IGDCC4: variants seen among roughly 807,000 people sequenced by gnomAD.
IGDCC4 encodes the protein immunoglobulin superfamily DCC subclass member 4.
Under a neutral mutation model 116.6 loss-of-function variants are expected in IGDCC4, and 72 were observed. That is an observed-to-expected ratio of 0.62 (90% CI 0.51 to 0.75). IGDCC4 has a LOEUF of 0.75. Ranked by LOEUF, IGDCC4 falls within the 30% of genes least tolerant of loss-of-function variation. The pLI is 0.00. For missense variants in IGDCC4, 1,501 were observed against 1,662.4 expected (o/e 0.90, Z 1.69); for synonymous variants, 709 against 719.9 (o/e 0.98, Z 0.24).
intron 1 of IGDCC4, among the ~76,000 whole-genome samples, chr15:65,416,432 C>T (rs757014597): frequency 4.7e-4 from 71 of 152,270 alleles, no homozygotes; most frequent in African/African-American, 1.4e-3. Flanking sequence ...CCACCGCGCC[C>T]GGCCAAACCT....
chr15:65,400,160 G>T (rs1172351140), intron 5 of IGDCC4, among the ~76,000 whole-genome samples: 3 of 152,198 alleles, frequency 2.0e-5, no homozygotes, highest in Non-Finnish European at 4.4e-5. Context: ...GTGAAATTTG[G>T]CCCAGCACTG....
chr15:65,384,890 C>G lies in IGDCC4; in HGVS notation c.3342+64G>C. On this transcript the variant is annotated intron_variant, in intron 19 of 19. Coordinates refer to ENST00000352385, the MANE Select transcript of IGDCC4 (RefSeq NM_020962.3). This position sits in a 1 kb window ranked among gnomAD's most constrained non-coding sequence, Gnocchi z 4.9. ...CCAGGGGTCTCCAGAGAACTCATTA[C>G]TTCCTCTTCACAAGCACAGAGACCC... 1 of 1,551,142 alleles carries G rather than the reference C, an allele frequency of 6.4e-7. No homozygotes were observed. The highest frequency in any genetic ancestry group is 1.2e-5 in the South Asian group (1 of 82,378).
At chr15:65,404,507 TC>T (rs2063021764) in intron 3 of IGDCC4, among the ~76,000 whole-genome samples, 1 of 152,128 alleles carries the variant, frequency 6.6e-6, no homozygotes, top group African/African-American at 2.4e-5. Flanking sequence ...CCTTTCTTTC[TC>T]CTCTTTTCCT....
At position 65,419,917 on chromosome 15, in the gene IGDCC4, C is replaced by A. The variant is rs150500027; in HGVS notation, c.70+2876G>T. Among the ~76,000 whole-genome samples, 463 of 152,192 alleles carry A rather than the reference C, an allele frequency of 3.0e-3. 4 individuals carry two copies. The highest frequency in any genetic ancestry group is 0.011 in the African/African-American group (447 of 41,542). ...GCATTATCCTAACCCCAATACCAGC[C>A]CTTCATTCTGCCTCATGTTTTTTTG... is the stretch of plus-strand genomic sequence containing the variant. On this transcript the variant is annotated intron_variant, in intron 1 of 19. Transcript: ENST00000352385.
At chr15:65,419,336 G>C (rs536838515) in intron 1 of IGDCC4, among the ~76,000 whole-genome samples, 2 of 151,882 alleles carry the variant, frequency 1.3e-5, no homozygotes, top group African/African-American at 4.8e-5. Context: ...CAAAGTGCTG[G>C]GATTACAGGT....
Position 65,388,381 on chromosome 15 carries a change from G to A in IGDCC4, c.2845+68C>T, listed in dbSNP as rs201797562. 258 of 1,601,726 alleles carry A rather than the reference G, an allele frequency of 1.6e-4. No homozygotes were observed. The Middle Eastern group carries it at 2.3e-3, about 14-fold the overall frequency. On this transcript the variant is annotated intron_variant, in intron 16 of 19. Coordinates refer to ENST00000352385, the MANE Select transcript of IGDCC4 (RefSeq NM_020962.3). ...GACAGCTGTGCAAAACAATGAAATT[G>A]TAGTTGTGTCCACAGGCAGGGGCTT...
Position 65,395,808 on chromosome 15 carries a change from C to A in IGDCC4, c.1353G>T (p.Arg451=), listed in dbSNP as rs762494575. The A allele has an allele frequency of 2.0e-6, 3 of 1,501,836 alleles. No individual in the cohort carries two copies. Among genetic ancestry groups the A allele is most frequent in the Admixed American group, 2.0e-5 (1 of 49,748 alleles). 93.0% of individuals were successfully genotyped at this position (1,501,836 alleles called of 1,614,324 possible). A position where few individuals can be genotyped will look rare whatever the true frequency, so the allele number is the denominator to read the frequency against. ...SSSAVLVAWE[R]PEMHSEQIIG... ...TGATCTGCTCGCTGTGCATCTCGGG[C>A]CGCTCCCAGGCCACCAACACAGCGG... The change falls in exon 7 of 20, where the codon CGG becomes CGT. Residue 451 remains arginine, a synonymous_variant. Coordinates refer to ENST00000352385, the MANE Select transcript of IGDCC4 (RefSeq NM_020962.3).
chr15:65,402,602 C>T lies in IGDCC4; in HGVS notation c.564-115G>A, dbSNP rs36110293. ...TAAGATACCAGGCTGGGCGCAGTGG[C>T]TCACGCCTATAATCCCAGCACTTTG... On this transcript the variant is annotated intron_variant, in intron 3 of 19. Coordinates refer to ENST00000352385, the MANE Select transcript of IGDCC4 (RefSeq NM_020962.3). The T allele has an allele frequency of 8.9e-3, 11,998 of 1,350,212 alleles. 74 individuals are homozygous for T. Among genetic ancestry groups the T allele is most frequent in the Non-Finnish European group, 0.011 (10,737 of 999,552 alleles). The allele number at this position is 1,350,212 out of a possible 1,614,324, so 83.6% of individuals were successfully genotyped here.
At chr15:65,398,864 C>T (rs528776383) in intron 5 of IGDCC4, among the ~76,000 whole-genome samples, 6 of 152,002 alleles carry the variant, frequency 3.9e-5, no homozygotes, top group African/African-American at 1.4e-4. Context: ...CACTCCAGCC[C>T]GGGCGACAGA....
intron 1 of IGDCC4, among the ~76,000 whole-genome samples, chr15:65,421,600 T>TC (rs1048657642): frequency 6.5e-4 from 98 of 151,924 alleles, no homozygotes; most frequent in African/African-American, 2.2e-3. Flanking sequence ...GGAGGCTCCT[T>TC]CCCCCCGCCT....
chr15:65,400,861 C>T lies in IGDCC4; in HGVS notation c.786G>A (p.Val262=), dbSNP rs2062977975. The T allele has an allele frequency of 1.2e-6, 2 of 1,613,936 alleles. No individual in the cohort carries two copies. The highest frequency in any genetic ancestry group is 2.7e-5 in the African/African-American group (2 of 74,926). Residue 262 remains valine, a synonymous_variant, in exon 5 of 20, where the codon GTG becomes GTA. Transcript: ENST00000352385. The part of the protein sequence containing the change: ...NTTVVSGQSV[V]MECVASADPT... ...GGTCAGCTGAGGCCACACATTCCAT[C>T]ACCACACTCTGGCCAGACACCACTG...
chr15:65,415,357 C>A (rs2063133078), intron 1 of IGDCC4, among the ~76,000 whole-genome samples: 1 of 152,210 alleles, frequency 6.6e-6, no homozygotes, highest in Non-Finnish European at 1.5e-5. Flanking sequence ...TGGGCTCTGG[C>A]AGGCAGGACG....
At chr15:65,403,872 T>C (rs1428790565) in intron 3 of IGDCC4, among the ~76,000 whole-genome samples, 1 of 151,772 alleles carries the variant, frequency 6.6e-6, no homozygotes, top group Non-Finnish European at 1.5e-5. Context: ...TCCATGGGGG[T>C]TGGGGTGGTG....
chr15:65,396,364 C>G (rs1475786562), intron 6 of IGDCC4: 1 of 709,042 alleles, frequency 1.4e-6, no homozygotes, highest in South Asian at 1.5e-5. Flanking sequence ...CCCAGCCCCA[C>G]AACGACCATT....
chr15:65,398,557 GAAAGA>G (rs2062950312), intron 5 of IGDCC4, among the ~76,000 whole-genome samples: 2 of 114,872 alleles, frequency 1.7e-5, no homozygotes, highest in South Asian at 2.9e-4. Flanking sequence ...AAAAAAAAAA[GAAAGA>G]AAAGAAAAGA....
In IGDCC4 at chr15:65,385,906, G is replaced by T; in HGVS notation, c.3105C>A (p.Asp1035Glu). The T allele has an allele frequency of 6.2e-7, 1 of 1,612,602 alleles. No individual in the cohort carries two copies. Among genetic ancestry groups the T allele is most frequent in the Non-Finnish European group, 8.5e-7 (1 of 1,179,964 alleles). ...TGTGCACTTCAGCCCTGTCCTCCACGTCTGAGGGTGGCGGGGACCAGTCCT... is the reference window on the plus strand; with the variant it reads ...TGTGCACTTCAGCCCTGTCCTCCACTTCTGAGGGTGGCGGGGACCAGTCCT... ...HPQDWSPPPS[D>E]VEDRAEVHSL... Residue 1035 changes from aspartate to glutamate, a missense_variant, in exon 18 of 20, where the codon GAC becomes GAA. Physicochemically the swap from Asp to Glu is conservative, Grantham distance 45. Transcript: ENST00000352385.
chr15:65,393,267 G>A lies in IGDCC4; in HGVS notation c.1885+94C>T. On this transcript the variant is annotated intron_variant, in intron 10 of 19. Transcript: ENST00000352385. This position sits in a 1 kb window ranked among gnomAD's most constrained non-coding sequence, Gnocchi z 4.6. ...GAGCCATGGAAGGTCTCTGATGGAG[G>A]GCGGGGCCAGGGGGTGGGGCGCTGG... 1 of 1,350,604 alleles carries A rather than the reference G, an allele frequency of 7.4e-7. No individual in the cohort carries two copies. 83.7% of individuals were successfully genotyped at this position (1,350,604 alleles called of 1,614,324 possible). A position where few individuals can be genotyped will look rare whatever the true frequency, so the allele number is the denominator to read the frequency against.
intron 3 of IGDCC4, among the ~76,000 whole-genome samples, chr15:65,409,689 A>G (rs1850441920): frequency 6.6e-6 from 1 of 152,208 alleles, no homozygotes; most frequent in African/African-American, 2.4e-5. Flanking sequence ...AGACCTCTAC[A>G]ATTCACTTCT....
chr15:65,397,175 C>G (rs2062936840), intron 5 of IGDCC4, among the ~76,000 whole-genome samples, 186 bp from the exon 6 acceptor site: 1 of 152,210 alleles, frequency 6.6e-6, no homozygotes, highest in South Asian at 2.1e-4. Flanking sequence ...GGGGAATTAG[C>G]CCTTAACTGG....
Sources: gnomAD v4.1 joint callset for allele counts (sites outside exome capture counted in the v4.1 genomes callset) on GRCh38, gnomAD v4.1.1 for gene constraint, Gnocchi (gnomAD v3.1) non-coding constraint, MANE v1.5 for transcripts, NCBI Gene and HGNC (gene_info 2026-07-23, HGNC 2026-07-21) for gene names.